Variants in EML3 observed in about 807,000 individuals in gnomAD.
The protein encoded by EML3 is echinoderm microtubule-associated protein-like 3.
Under a neutral mutation model 106.7 loss-of-function variants are expected in EML3, and 53 were observed. The observed-to-expected ratio is 0.50, with a 90% CI of 0.40 to 0.62. EML3 has a LOEUF of 0.62. Among genes scored for constraint, EML3 ranks in the 20% least tolerant of loss-of-function variants. EML3 has a pLI of 0.00. For missense variants in EML3, 994 were observed against 1,209.1 expected, an observed-to-expected ratio of 0.82 and a Z score of 2.64; for synonymous variants, 499 against 489.6, an observed-to-expected ratio of 1.02 and a Z score of -0.25.
intron 10 of EML3, 76 bp from the exon 11 acceptor site, chr11:62,607,897 T>C: frequency 2.0e-6 from 3 of 1,534,944 alleles, no homozygotes; most frequent in Non-Finnish European, 2.7e-6. Context: ...TCAATTTGCA[T>C]CATGACAGCT....
intron 6 of EML3, 36 bp from the exon 7 acceptor site, chr11:62,609,168 T>C (rs754886852): frequency 6.2e-7 from 1 of 1,607,694 alleles, no homozygotes. Context: ...AAGGGTTAGA[T>C]CAAGGGCAGG....
Position 62,610,920 on chromosome 11 carries a change from G to A in EML3, c.525C>T (p.Ile175=). ...ACCGCACTAACAGGTTGGCGGAGGA[G>A]ATTGCCTTCCTGGAGAGCTTCTGCC... ...RPRQKLSRKA[I]SSANLLVRSG... is the part of the protein sequence containing the mutation. Residue 175 remains isoleucine, a synonymous_variant, in exon 4 of 22, where the codon ATC becomes ATT. Transcript: ENST00000394773. The A allele has an allele frequency of 3.7e-6, 6 of 1,613,252 alleles. No homozygotes were observed. The highest frequency in any genetic ancestry group is 8.5e-7 in the Non-Finnish European group (1 of 1,179,748).
At chr11:62,611,679 CAT>C in intron 1 of EML3, 83 bp from the exon 2 acceptor site, 2 of 1,459,444 alleles carry the variant, frequency 1.4e-6, no homozygotes, top group Non-Finnish European at 1.8e-6. Flanking sequence ...CACAACTTTA[CAT>C]GTGTCCGGTA....
In EML3 at chr11:62,603,792, G is replaced by T; in HGVS notation, c.2194C>A (p.Leu732Ile). 6.2e-7 allele frequency: 1 copy of T among 1,614,156 alleles called. No homozygotes were observed. Among genetic ancestry groups the T allele is most frequent in the Non-Finnish European group, 8.5e-7 (1 of 1,180,022 alleles). ...CMGHSSFITH[L>I]DWSKDGNFIM... ...AAATTCCCATCCTTGGACCAGTCAA[G>T]ATGAGTGATGAAGCTGGAGTGACCC... The change falls in exon 19 of 22, where the codon CTT becomes ATT. Residue 732 changes from leucine to isoleucine, a missense_variant. This residue lies in a region of EML3 where 713 missense variants were observed against 920.5 expected (regional missense o/e 0.77). Transcript: ENST00000394773.
chr11:62,610,998 G>A lies in EML3; in HGVS notation c.453-6C>T, dbSNP rs1459297169. On this transcript the variant is annotated splice_polypyrimidine_tract_variant and splice_region_variant and intron_variant, in intron 3 of 21. Coordinates refer to ENST00000394773, the MANE Select transcript of EML3 (RefSeq NM_153265.3). ...AGGAAGAATTTCTTCGCGGCCTGGTGGGGGCATAGTGAAGGTCATTCCCTC... is the reference window on the plus strand; with the variant it reads ...AGGAAGAATTTCTTCGCGGCCTGGTAGGGGCATAGTGAAGGTCATTCCCTC... 7 of 1,612,584 alleles carry A rather than the reference G, an allele frequency of 4.3e-6. No individual in the cohort carries two copies. Among genetic ancestry groups the A allele is most frequent in the Non-Finnish European group, 4.2e-6 (5 of 1,179,670 alleles).
intron 1 of EML3, chr11:62,612,094 G>A: frequency 2.3e-6 from 1 of 443,760 alleles, no homozygotes. Context: ...GAGAGAGTGT[G>A]AGTGGTGAGC....
chr11:62,602,998 C>G, intron 20 of EML3, 109 bp from the exon 21 acceptor site: 1 of 1,480,136 alleles, frequency 6.8e-7, no homozygotes, highest in Non-Finnish European at 9.0e-7. Flanking sequence ...TGCCGCGTTC[C>G]AGGCAAGCCT....
intron 19 of EML3, 60 bp from the exon 20 acceptor site, chr11:62,603,307 A>C: frequency 6.6e-7 from 1 of 1,505,546 alleles, no homozygotes. Context: ...GGAAGATGCC[A>C]GGGAAAGCCA....
rs1197643454 is a variant in EML3 at position 62,605,416 on chromosome 11, G to A, written c.1914+226C>T. Among the ~76,000 whole-genome samples, 4 of 152,186 alleles carry A rather than the reference G, an allele frequency of 2.6e-5. No individual in the cohort carries two copies. Among genetic ancestry groups the A allele is most frequent in the African/African-American group, 9.7e-5 (4 of 41,436 alleles). ...TAACCATTTAGGTGCTGGATCAAGA[G>A]GAAGTCTGAGGGGTTCTGGGGGCGG... On this transcript the variant is annotated intron_variant, in intron 15 of 21. Transcript: ENST00000394773. The surrounding 1 kb of genome is among the most constrained non-coding windows in gnomAD (Gnocchi z 5.2).
Position 62,603,216 on chromosome 11 carries a change from C to T in EML3, c.2289G>A (p.Lys763=). 6.2e-7 allele frequency: 1 copy of T among 1,613,976 alleles called. No individual in the cohort carries two copies. The highest frequency in any genetic ancestry group is 8.5e-7 in the Non-Finnish European group (1 of 1,180,036). The change falls in exon 20 of 22, where the codon AAG becomes AAA. Residue 763 remains lysine (K), a synonymous_variant. Coordinates refer to ENST00000394773, the MANE Select transcript of EML3 (RefSeq NM_153265.3). ...CCCGGTCTCGGCTCTCATAGCGATTCTTCAGCTGCTTGCAGCCTCCAGCCA... is the reference window on the plus strand; with the variant it reads ...CCCGGTCTCGGCTCTCATAGCGATTTTTCAGCTGCTTGCAGCCTCCAGCCA... The part of the protein sequence containing the change: ...WDVAGGCKQL[K]NRYESRDREW...
Position 62,612,528 on chromosome 11 carries a change from G to A in EML3, c.-71C>T. 3 of 1,320,392 alleles carry A rather than the reference G, an allele frequency of 2.3e-6. No homozygotes were observed. Among genetic ancestry groups the A allele is most frequent in the Non-Finnish European group, 2.9e-6 (3 of 1,036,784 alleles). 81.8% of individuals were successfully genotyped at this position (1,320,392 alleles called of 1,614,324 possible). A position where few individuals can be genotyped will look rare whatever the true frequency, so the allele number is the denominator to read the frequency against. The stretch of plus-strand genomic sequence containing the variant: ...AAGCCGCGGGGGCCACGGCCGGGGA[G>A]AGGGGAAGGGGAAGCACCCCGGGGC... On this transcript the variant is annotated 5_prime_UTR_variant, in exon 1 of 22. Coordinates refer to ENST00000394773, the MANE Select transcript of EML3 (RefSeq NM_153265.3).
chr11:62,606,150 C>T lies in EML3; in HGVS notation c.1569G>A (p.Arg523=), dbSNP rs1441506396. The T allele has an allele frequency of 6.2e-7, 1 of 1,614,020 alleles. No individual in the cohort carries two copies. The highest frequency in any genetic ancestry group is 1.3e-5 in the African/African-American group (1 of 74,946). ...HEGSIFALCL[R]RDGTVLSGGG... ...CACCACTCAGCACTGTCCCGTCCCT[C>T]CGGAGACACAAGGCGAAGATAGAAC... The change falls in exon 13 of 22, where the codon CGG becomes CGA. Residue 523 remains arginine (R), a synonymous_variant. Transcript: ENST00000394773.
intron 4 of EML3, among the ~76,000 whole-genome samples, chr11:62,610,595 C>T (rs1379394750): frequency 2.0e-5 from 3 of 152,110 alleles, no homozygotes; most frequent in Non-Finnish European, 4.4e-5. Context: ...GCTGTGTGAC[C>T]CCAGGCAAAT....
rs1363739925 is a variant in EML3 at position 62,603,940 on chromosome 11, T to G, written c.2169+4A>C. On this transcript the variant is annotated splice_donor_region_variant and intron_variant, in intron 18 of 21. Transcript: ENST00000394773. Reference sequence around the variant, plus strand: ...TGCCCCACCACACACCCCAACTTCCTCACCATACAGCGGCCAAAGCGGCTG... The same window carrying G: ...TGCCCCACCACACACCCCAACTTCCGCACCATACAGCGGCCAAAGCGGCTG... 6.2e-7 allele frequency: 1 copy of G among 1,613,940 alleles called. No individual in the cohort carries two copies. Among genetic ancestry groups the G allele is most frequent in the Non-Finnish European group, 8.5e-7 (1 of 1,179,994 alleles).
rs755558860 is a variant in EML3 at position 62,603,772 on chromosome 11, C to T, written c.2214G>A (p.Gly738=). The T allele has an allele frequency of 1.5e-5, 24 of 1,614,126 alleles. No individual in the cohort carries two copies. Among genetic ancestry groups the T allele is most frequent in the Non-Finnish European group, 1.8e-5 (21 of 1,180,030 alleles). The change falls in exon 19 of 22, where the codon GGG becomes GGA. Residue 738 remains glycine, a synonymous_variant. Coordinates refer to ENST00000394773, the MANE Select transcript of EML3 (RefSeq NM_153265.3). ...FITHLDWSKD[G]NFIMSNSGDY... is the part of the protein sequence containing the mutation. ...CCCCAGAATTGGACATGATGAAATT[C>T]CCATCCTTGGACCAGTCAAGATGAG...
chr11:62,602,429 G>T lies in EML3; in HGVS notation c.*46C>A. 1 of 1,543,590 alleles carries T rather than the reference G, an allele frequency of 6.5e-7. No homozygotes were observed. The highest frequency in any genetic ancestry group is 8.8e-7 in the Non-Finnish European group (1 of 1,141,306). ...GGATTGGGCCAGGGAAGGGCAGGGCGGGGCGGGGCCACGCCGCCGGGCCAG... is the reference window on the plus strand; with the variant it reads ...GGATTGGGCCAGGGAAGGGCAGGGCTGGGCGGGGCCACGCCGCCGGGCCAG... On this transcript the variant is annotated 3_prime_UTR_variant, in exon 22 of 22. Coordinates refer to ENST00000394773, the MANE Select transcript of EML3 (RefSeq NM_153265.3).
intron 4 of EML3, 86 bp downstream of exon 4, chr11:62,610,793 C>A: frequency 1.6e-6 from 2 of 1,232,014 alleles, no homozygotes; most frequent in South Asian, 1.3e-5. Flanking sequence ...GGTCCCCCCA[C>A]CCCAACCAGG....
In EML3 at chr11:62,606,231, A is replaced by C. The variant is rs375226751; in HGVS notation, c.1505-17T>G. 4.3e-6 allele frequency: 7 copies of C among 1,612,234 alleles called. No homozygotes were observed. Among genetic ancestry groups the C allele is most frequent in the African/African-American group, 1.3e-5 (1 of 75,012 alleles). Reference sequence around the variant, plus strand: ...CATAGGTCTCTGTTGGCAAAGCCCCAGGTAGATCATGTTTTGGGGGTGCAG... The same window carrying C: ...CATAGGTCTCTGTTGGCAAAGCCCCCGGTAGATCATGTTTTGGGGGTGCAG... On this transcript the variant is annotated splice_polypyrimidine_tract_variant and intron_variant, in intron 12 of 21. Coordinates refer to ENST00000394773, the MANE Select transcript of EML3 (RefSeq NM_153265.3).
chr11:62,612,697 C>T lies in EML3; in HGVS notation c.-240G>A, dbSNP rs1201772062. On this transcript the variant is annotated 5_prime_UTR_variant, in exon 1 of 22. Coordinates refer to ENST00000394773, the MANE Select transcript of EML3 (RefSeq NM_153265.3). ...CTCTCCCGGGGCCGCTCTCGGCTCC[C>T]GGGGGTGGGGTGGCAGGGCCGTCCG... 3 of 229,406 alleles carry T rather than the reference C, an allele frequency of 1.3e-5. No homozygotes were observed. The highest frequency in any genetic ancestry group is 2.5e-5 in the Non-Finnish European group (3 of 120,590). The allele number at this position is 229,406 out of a possible 1,614,324, so 14.2% of individuals were successfully genotyped here. A position where few individuals can be genotyped will look rare whatever the true frequency, so the allele number is the denominator to read the frequency against.
Sources: gnomAD v4.1 joint callset for allele counts (sites outside exome capture counted in the v4.1 genomes callset) on GRCh38, gnomAD v4.1.1 for gene constraint, gnomAD v4.1.1 regional missense constraint, Gnocchi (gnomAD v3.1) non-coding constraint, MANE v1.5 for transcripts, NCBI Gene and HGNC (gene_info 2026-07-23, HGNC 2026-07-21) for gene names.